The following IL1RAPL1 variants were observed in gnomAD, a reference collection of about 807,000 sequenced individuals.
IL1RAPL1 encodes interleukin-1 receptor accessory protein-like 1.
IL1RAPL1 carries 3 observed loss-of-function variants against 48.4 expected under a neutral mutation model. That is an observed-to-expected ratio of 0.06 (90% CI 0.03 to 0.16). IL1RAPL1 has a LOEUF of 0.16. Ranked by LOEUF, IL1RAPL1 falls within the 10% of genes least tolerant of loss-of-function variation. The pLI is 1.00. For missense variants in IL1RAPL1, 349 were observed against 530.6 expected (o/e 0.66, Z 3.36); for synonymous variants, 185 against 187.7 (o/e 0.99, Z 0.12).
chrX:28,863,513 T>A (rs1376600682), intron 2 of IL1RAPL1, among the ~76,000 whole-genome samples: 4 of 110,176 alleles, frequency 3.6e-5, no homozygotes, highest in African/African-American at 1.3e-4. Flanking sequence ...TTATGTGATT[T>A]AATATATGTG....
Position 29,954,242 on chromosome X carries a change from A to C in IL1RAPL1, c.1202-280A>C, listed in dbSNP as rs867322959. On this transcript the variant is annotated intron_variant, in intron 9 of 10. Coordinates refer to ENST00000378993, the MANE Select transcript of IL1RAPL1 (RefSeq NM_014271.4). ...CTGAGCAAGACTGTGTCCCAAAAAA[A>C]AAAAAAAAAAAAAAAAAAAAAGGAA... Among the ~76,000 whole-genome samples, 60 of 82,965 alleles carry C rather than the reference A, an allele frequency of 7.2e-4. 2 individuals carry two copies. The highest frequency in any genetic ancestry group is 1.3e-4 in the Non-Finnish European group (5 of 37,580). The allele number at this position is 82,965 out of a possible 115,157, so 72.0% of individuals were successfully genotyped here.
At chrX:29,931,276 A>G (rs760247801) in intron 8 of IL1RAPL1, among the ~76,000 whole-genome samples, 7 of 111,691 alleles carry the variant, frequency 6.3e-5, no homozygotes, top group Non-Finnish European at 1.3e-4. Flanking sequence ...TGAATTCAGA[A>G]GTGTTCATAA....
intron 6 of IL1RAPL1, among the ~76,000 whole-genome samples, chrX:29,852,497 C>T (rs1931390393): frequency 8.9e-6 from 1 of 111,779 alleles, no homozygotes; most frequent in Admixed American, 9.5e-5. Context: ...ATTCATACCA[C>T]CAAACTTTTT....
chrX:29,680,212 G>A (rs1046178421), intron 6 of IL1RAPL1, among the ~76,000 whole-genome samples: 1 of 111,420 alleles, frequency 9.0e-6, no homozygotes, highest in Non-Finnish European at 1.9e-5. Context: ...AATAATGCTC[G>A]ACTGTTCTCT....
At chrX:28,890,621 A>T in intron 2 of IL1RAPL1, among the ~76,000 whole-genome samples, 1 of 112,059 alleles carries the variant, frequency 8.9e-6, no homozygotes, top group Non-Finnish European at 1.9e-5. Context: ...TTGACACTAC[A>T]TTTAACTGTT....
chrX:29,673,920 C>T (rs1262692363), intron 6 of IL1RAPL1, among the ~76,000 whole-genome samples: 1 of 111,773 alleles, frequency 8.9e-6, no homozygotes, highest in African/African-American at 3.2e-5. Context: ...CAGTTATTAT[C>T]GTATATCATT....
At chrX:28,944,147 A>G (rs1317442112) in intron 2 of IL1RAPL1, among the ~76,000 whole-genome samples, 3 of 110,779 alleles carry the variant, frequency 2.7e-5, no homozygotes, top group Non-Finnish European at 3.8e-5. Flanking sequence ...TGGGGGCAGA[A>G]GCTCATAATA....
chrX:29,633,607 A>C (rs762285690), intron 5 of IL1RAPL1, among the ~76,000 whole-genome samples: 9 of 111,813 alleles, frequency 8.0e-5, no homozygotes, highest in African/African-American at 2.3e-4. Flanking sequence ...AACAACAGAA[A>C]TTTATTCCCT....
At chrX:28,731,221 T>C (rs1935750962) in intron 1 of IL1RAPL1, among the ~76,000 whole-genome samples, 1 of 112,125 alleles carries the variant, frequency 8.9e-6, no homozygotes, top group Non-Finnish European at 1.9e-5. Context: ...TTTTTCTTTT[T>C]CATCATTATA....
At chrX:29,772,469 C>T (rs193156626) in intron 6 of IL1RAPL1, among the ~76,000 whole-genome samples, 12 of 110,585 alleles carry the variant, frequency 1.1e-4, no homozygotes, top group South Asian at 4.0e-4. Context: ...TGTTTGTGTG[C>T]GTGGCAAGAT....
intron 2 of IL1RAPL1, among the ~76,000 whole-genome samples, chrX:28,886,919 G>A (rs1449786620): frequency 9.0e-6 from 1 of 111,584 alleles, no homozygotes; most frequent in African/African-American, 3.3e-5. Flanking sequence ...ATGGGACAAG[G>A]AAATGATGCC....
At chrX:29,751,394 A>C (rs1928458968) in intron 6 of IL1RAPL1, among the ~76,000 whole-genome samples, 1 of 111,755 alleles carries the variant, frequency 8.9e-6, no homozygotes, top group South Asian at 3.7e-4. Context: ...AATTTGAAAA[A>C]CTATATGTAT....
In IL1RAPL1 at chrX:29,843,791, C is replaced by CTG. The variant is rs1241570340; in HGVS notation, c.779-73667_779-73666dup. ...TTCAATTCTCTCTCTCTCTCTCTCTCTGTGTGTCTCTCTCTCTCATCTCTA... is the reference window on the plus strand; with the variant it reads ...TTCAATTCTCTCTCTCTCTCTCTCTCTGTGTGTGTCTCTCTCTCTCATCTCTA... On this transcript the variant is annotated intron_variant, in intron 6 of 10. Transcript: ENST00000378993. Among the ~76,000 whole-genome samples the CTG allele has an allele frequency of 3.7e-3, 398 of 107,918 alleles. 1 individual carries two copies. Among genetic ancestry groups the CTG allele is most frequent in the African/African-American group, 0.012 (348 of 29,019 alleles). The allele number at this position is 107,918 out of a possible 115,157, so 93.7% of individuals were successfully genotyped here.
chrX:28,873,071 A>C (rs1176658140), intron 2 of IL1RAPL1, among the ~76,000 whole-genome samples: 1 of 97,487 alleles, frequency 1.0e-5, no homozygotes, highest in African/African-American at 3.9e-5. Flanking sequence ...TAGACTCTCT[A>C]CTCAGACTGC....
intron 2 of IL1RAPL1, among the ~76,000 whole-genome samples, chrX:29,041,283 G>T (rs1306249179): frequency 9.0e-6 from 1 of 111,460 alleles, no homozygotes; most frequent in Non-Finnish European, 1.9e-5. Context: ...GTATCTGCAG[G>T]CAGGGGGGTG....
intron 2 of IL1RAPL1, among the ~76,000 whole-genome samples, chrX:29,007,737 T>C (rs1926017819): frequency 8.9e-6 from 1 of 111,875 alleles, no homozygotes; most frequent in Admixed American, 9.5e-5. Context: ...GTGAAAAATA[T>C]TAATTTTAGT....
At chrX:29,221,325 G>T (rs1444173327) in intron 2 of IL1RAPL1, among the ~76,000 whole-genome samples, 1 of 111,448 alleles carries the variant, frequency 9.0e-6, no homozygotes, top group African/African-American at 3.3e-5. Context: ...ATTTTATGAT[G>T]AAACTGACCA....
chrX:29,333,101 C>T (rs2069164081), intron 3 of IL1RAPL1, among the ~76,000 whole-genome samples: 1 of 111,747 alleles, frequency 8.9e-6, no homozygotes, highest in Non-Finnish European at 1.9e-5. Context: ...CCCCACCCTT[C>T]CCGCCTTTCT....
intron 5 of IL1RAPL1, among the ~76,000 whole-genome samples, chrX:29,611,129 A>G (rs779647312): frequency 8.9e-6 from 1 of 112,333 alleles, no homozygotes; most frequent in East Asian, 2.8e-4. Flanking sequence ...TCCACATTCT[A>G]TAGAGAATCC....
Sources: allele counts gnomAD v4.1 joint callset (sites outside exome capture counted in the v4.1 genomes callset), GRCh38; gene constraint gnomAD v4.1.1; transcripts MANE v1.5; gene names NCBI Gene and HGNC (gene_info 2026-07-23, HGNC 2026-07-21).